The following SH3PXD2B variants were observed in gnomAD, a reference collection of about 807,000 sequenced individuals.
The protein encoded by SH3PXD2B is SH3 and PX domains 2B.
A neutral mutation model predicts 73.1 loss-of-function variants in SH3PXD2B; 37 were observed. The observed-to-expected ratio is 0.51, with a 90% CI of 0.39 to 0.67. The LOEUF is 0.67. SH3PXD2B is among the 30% of genes least tolerant of loss of function. The pLI is 0.00. For synonymous variants in SH3PXD2B, 457 were observed against 480.5 expected, an observed-to-expected ratio of 0.95 and a Z score of 0.64; for missense variants, 1,053 against 1,197.8, an observed-to-expected ratio of 0.88 and a Z score of 1.78.
At position 172,339,958 on chromosome 5, in the gene SH3PXD2B, G is replaced by C. The variant is rs752227940; in HGVS notation, c.1189-42C>G. The C allele has an allele frequency of 6.2e-7, 1 of 1,612,230 alleles. No homozygotes were observed. Among genetic ancestry groups the C allele is most frequent in the Non-Finnish European group, 8.5e-7 (1 of 1,179,198 alleles). ...AGAAAGGCACTTGGCTACGATGCCA[G>C]GGCCAGCAGATGGAATGGTTTGGCA... On this transcript the variant is annotated intron_variant, in intron 12 of 12. Transcript: ENST00000311601. This position sits in a 1 kb window ranked among gnomAD's most constrained non-coding sequence, Gnocchi z 6.1.
At chr5:172,443,627 C>T (rs950327550) in intron 1 of SH3PXD2B, among the ~76,000 whole-genome samples, 1 of 152,208 alleles carries the variant, frequency 6.6e-6, no homozygotes, top group Non-Finnish European at 1.5e-5. Context: ...TGGGCCAGAC[C>T]TGGCCCAGGG....
intron 1 of SH3PXD2B, among the ~76,000 whole-genome samples, chr5:172,437,114 G>A (rs1228535343): frequency 6.6e-6 from 1 of 152,180 alleles, no homozygotes; most frequent in African/African-American, 2.4e-5. Flanking sequence ...GGCCCAAGGT[G>A]GATAAGTATG....
intron 1 of SH3PXD2B, among the ~76,000 whole-genome samples, chr5:172,447,153 T>C (rs1004486618): frequency 6.6e-6 from 1 of 152,060 alleles, no homozygotes; most frequent in Non-Finnish European, 1.5e-5. Flanking sequence ...TATGTGTTCA[T>C]TGCAGAACAT....
chr5:172,434,060 G>C lies in SH3PXD2B; in HGVS notation c.76-11564C>G, dbSNP rs915420547. ...TAAAGTGCTAACAATCAATAGCAGA[G>C]TAGACTAACTATAGTTAACAACAGT... On this transcript the variant is annotated intron_variant, in intron 1 of 12. Transcript: ENST00000311601. 3.5e-4 allele frequency among the ~76,000 whole-genome samples: 53 copies of C among 151,466 alleles called. 1 individual carries two copies. Among genetic ancestry groups the C allele is most frequent in the Admixed American group, 3.5e-3 (53 of 15,272 alleles).
rs570148745 is a variant in SH3PXD2B at position 172,420,372 on chromosome 5, G to A, written c.156+2044C>T. Among the ~76,000 whole-genome samples, 107 of 152,236 alleles carry A rather than the reference G, an allele frequency of 7.0e-4. 1 individual carries two copies. In the Middle Eastern group the frequency reaches 0.031, roughly 44 times the overall value. On this transcript the variant is annotated intron_variant, in intron 2 of 12. Coordinates refer to ENST00000311601, the MANE Select transcript of SH3PXD2B (RefSeq NM_001017995.3). Reference sequence around the variant, plus strand: ...GCTTTATATTATGCAATGACTCTTGGCAGTTTGTTATGTAGGCGTTTCGGG... The same window carrying A: ...GCTTTATATTATGCAATGACTCTTGACAGTTTGTTATGTAGGCGTTTCGGG...
rs1404127214 is a variant in SH3PXD2B at position 172,445,514 on chromosome 5, T to C, written c.75+8764A>G. Among the ~76,000 whole-genome samples the C allele has an allele frequency of 6.6e-6, 1 of 152,214 alleles. No individual in the cohort carries two copies. The highest frequency in any genetic ancestry group is 2.4e-5 in the African/African-American group (1 of 41,458). ...CGTGAACTCCCATGCCCAGCCCTTATAATGAAGGCTTCTTGGTGGTGGTTG... is the reference window on the plus strand; with the variant it reads ...CGTGAACTCCCATGCCCAGCCCTTACAATGAAGGCTTCTTGGTGGTGGTTG... On this transcript the variant is annotated intron_variant, in intron 1 of 12. Coordinates refer to ENST00000311601, the MANE Select transcript of SH3PXD2B (RefSeq NM_001017995.3). This position sits in a 1 kb window ranked among gnomAD's most constrained non-coding sequence, Gnocchi z 5.2.
chr5:172,396,333 G>C (rs1220310632), intron 3 of SH3PXD2B, among the ~76,000 whole-genome samples: 1 of 150,920 alleles, frequency 6.6e-6, no homozygotes, highest in African/African-American at 2.4e-5. Context: ...AAGATCATAC[G>C]ACAGCACTCC....
chr5:172,454,468 G>A lies in SH3PXD2B; in HGVS notation c.-116C>T, dbSNP rs965192945. 2.4e-5 allele frequency: 11 copies of A among 464,902 alleles called. No homozygotes were observed. The East Asian group carries it at 9.1e-4, about 39-fold the overall frequency. The allele number at this position is 464,902 out of a possible 1,614,324, so 28.8% of individuals were successfully genotyped here. On this transcript the variant is annotated 5_prime_UTR_variant, in exon 1 of 13. Coordinates refer to ENST00000311601, the MANE Select transcript of SH3PXD2B (RefSeq NM_001017995.3). ...CCTGGAGCTGAGCGCAATCGCAGCC[G>A]GGGCCGAGCACGAGCCGCCGCCGCC...
intron 8 of SH3PXD2B, among the ~76,000 whole-genome samples, chr5:172,356,005 TC>T (rs1262158247): frequency 6.6e-6 from 1 of 152,054 alleles, no homozygotes; most frequent in Admixed American, 6.6e-5. Flanking sequence ...CCAGCCTTTG[TC>T]CCCATGGCTT....
At chr5:172,350,260 C>A (rs760863106) in intron 10 of SH3PXD2B, 103 bp downstream of exon 10, 19 of 1,124,592 alleles carry the variant, frequency 1.7e-5, no homozygotes, top group Non-Finnish European at 2.4e-5. Flanking sequence ...GATGGGGGAG[C>A]AGCTGGGCTG....
chr5:172,433,639 G>A (rs551978051), intron 1 of SH3PXD2B, among the ~76,000 whole-genome samples: 1 of 152,156 alleles, frequency 6.6e-6, no homozygotes, highest in African/African-American at 2.4e-5. Flanking sequence ...TGCCCAGAGT[G>A]GGGGTGGGAG....
At chr5:172,395,734 G>A (rs529587327) in intron 3 of SH3PXD2B, among the ~76,000 whole-genome samples, 3 of 152,174 alleles carry the variant, frequency 2.0e-5, no homozygotes, top group African/African-American at 7.2e-5. Flanking sequence ...AGGGGTGGGG[G>A]AAATCAGAAA....
chr5:172,360,558 A>G (rs1757373612), intron 7 of SH3PXD2B, among the ~76,000 whole-genome samples: 1 of 152,202 alleles, frequency 6.6e-6, no homozygotes, highest in Non-Finnish European at 1.5e-5. Flanking sequence ...CTGGCTAGGT[A>G]CAGTGGCTCA....
intron 12 of SH3PXD2B, among the ~76,000 whole-genome samples, chr5:172,328,118 A>ATTT (rs145836169): frequency 7.1e-6 from 1 of 140,012 alleles, no homozygotes; most frequent in African/African-American, 2.7e-5. Flanking sequence ...TAGTAGGCTG[A>ATTT]TTTTTTTTTT....
intron 2 of SH3PXD2B, among the ~76,000 whole-genome samples, chr5:172,408,285 T>C (rs370279651): frequency 2.0e-5 from 3 of 152,076 alleles, no homozygotes; most frequent in African/African-American, 7.2e-5. Context: ...TTTTCTTTTT[T>C]GAGACAGGGT....
chr5:172,424,171 G>A (rs1024353226), intron 1 of SH3PXD2B, among the ~76,000 whole-genome samples: 4 of 152,168 alleles, frequency 2.6e-5, no homozygotes, highest in African/African-American at 9.7e-5. Context: ...CAATAATTAT[G>A]TCTTGGGCCA....
At chr5:172,390,893 G>A (rs1192508954) in intron 4 of SH3PXD2B, among the ~76,000 whole-genome samples, 2 of 151,434 alleles carry the variant, frequency 1.3e-5, no homozygotes, top group Non-Finnish European at 2.9e-5. Flanking sequence ...CCAGGATGGA[G>A]TGCAATGACA....
chr5:172,337,195 G>C lies in SH3PXD2B; in HGVS notation c.*1174C>G. 1 of 985,522 alleles carries C rather than the reference G, an allele frequency of 1.0e-6. No individual in the cohort carries two copies. Among genetic ancestry groups the C allele is most frequent in the Non-Finnish European group, 1.2e-6 (1 of 829,990 alleles). The allele number at this position is 985,522 out of a possible 1,614,324, so 61.0% of individuals were successfully genotyped here. A position where few individuals can be genotyped will look rare whatever the true frequency, so the allele number is the denominator to read the frequency against. On this transcript the variant is annotated 3_prime_UTR_variant, in exon 13 of 13. Coordinates refer to ENST00000311601, the MANE Select transcript of SH3PXD2B (RefSeq NM_001017995.3). ...AGGGCAGCCTTTGGTATAGGCTGCTGTGGGCTGGAGGGATGGTGGGTGTGG... is the reference window on the plus strand; with the variant it reads ...AGGGCAGCCTTTGGTATAGGCTGCTCTGGGCTGGAGGGATGGTGGGTGTGG...
At position 172,447,519 on chromosome 5, in the gene SH3PXD2B, T is replaced by C. The variant is rs373144491; in HGVS notation, c.75+6759A>G. Among the ~76,000 whole-genome samples the C allele has an allele frequency of 1.8e-4, 28 of 152,330 alleles. No homozygotes were observed. The East Asian group carries it at 5.2e-3, about 28-fold the overall frequency. On this transcript the variant is annotated intron_variant, in intron 1 of 12. Transcript: ENST00000311601. Reference sequence around the variant, plus strand: ...TAGTTTACCATTATCAAACCTCAATTACATGCTAGGCCCCTTTAACTCTCA... The same window carrying C: ...TAGTTTACCATTATCAAACCTCAATCACATGCTAGGCCCCTTTAACTCTCA...
Sources: allele counts gnomAD v4.1 joint callset (sites outside exome capture counted in the v4.1 genomes callset), GRCh38; gene constraint gnomAD v4.1.1; non-coding constraint Gnocchi (gnomAD v3.1); transcripts MANE v1.5; gene names NCBI Gene and HGNC (gene_info 2026-07-23, HGNC 2026-07-21).